The following ACSM3 variants were observed in gnomAD, a reference collection of about 807,000 sequenced individuals.
ACSM3 encodes acyl-CoA synthetase medium chain family member 3.
Under a neutral mutation model 74.1 loss-of-function variants are expected in ACSM3, and 61 were observed. The observed-to-expected ratio is 0.82, with a 90% CI of 0.67 to 1.02. The LOEUF is 1.02. Ranked by LOEUF, ACSM3 falls within the 50% of genes least tolerant of loss-of-function variation. ACSM3 has a pLI of 0.00. For missense variants in ACSM3, 660 were observed against 697.0 expected, an observed-to-expected ratio of 0.95 and a Z score of 0.60; for synonymous variants, 213 against 241.5, an observed-to-expected ratio of 0.88 and a Z score of 1.09.
intron 12 of ACSM3, 121 bp from the exon 13 acceptor site, chr16:20,796,248 CT>C: frequency 6.9e-7 from 1 of 1,455,334 alleles, no homozygotes; most frequent in Non-Finnish European, 9.1e-7. Context: ...TGGGATCAAA[CT>C]TTATTAAAAC....
chr16:20,792,568 T>C, intron 12 of ACSM3: 2 of 985,364 alleles, frequency 2.0e-6, no homozygotes, highest in Non-Finnish European at 2.4e-6. Context: ...TAGAAAGAAT[T>C]TGAATTCCTT....
intron 1 of ACSM3, among the ~76,000 whole-genome samples, chr16:20,710,642 G>A (rs2079741133): frequency 1.3e-5 from 2 of 152,072 alleles, no homozygotes; most frequent in Admixed American, 1.3e-4. Flanking sequence ...AACATGCCCA[G>A]CCGATAATTT....
chr16:20,755,779 T>TC (rs1168683945), intron 3 of ACSM3, among the ~76,000 whole-genome samples: 16,365 of 45,880 alleles, frequency 0.36, 2,486 homozygotes, highest in Non-Finnish European at 0.49. Flanking sequence ...ATGCTATCCC[T>TC]CCCCCCCCCC....
At chr16:20,685,402 T>G (rs762476160) in intron 1 of ACSM3, 2 of 1,613,754 alleles carry the variant, frequency 1.2e-6, no homozygotes, top group Non-Finnish European at 1.7e-6. Context: ...TCTCTTGCCC[T>G]CCTGGTCAAG....
rs182229775 is a variant in ACSM3 at position 20,718,995 on chromosome 16, C to A, written c.-189-30915C>A. On this transcript the variant is annotated intron_variant, in intron 1 of 3. Coordinates refer to the ACSM3 transcript ENST00000561584. ...TATTTGTTGCATCAATGGACAAACT[C>A]AAAAAATCATGCCAAACCCAGCCTC... Among the ~76,000 whole-genome samples the A allele has an allele frequency of 1.7e-4, 26 of 152,248 alleles. 1 individual carries two copies. In the East Asian group the frequency reaches 4.1e-3, roughly 24 times the overall value.
intron 1 of ACSM3, chr16:20,680,200 G>A (rs561255957): frequency 2.6e-5 from 4 of 152,184 alleles, no homozygotes; most frequent in Non-Finnish European, 5.9e-5. Context: ...CTATCTTAAA[G>A]CCAGAGATAC....
Position 20,737,767 on chromosome 16 carries a change from A to G in ACSM3, c.-189-12143A>G. Reference sequence around the variant, plus strand: ...ATGACTGTTATTTCGAGATTTGTACACAATCTGAAATGTCCCTTTGTTTGG... The same window carrying G: ...ATGACTGTTATTTCGAGATTTGTACGCAATCTGAAATGTCCCTTTGTTTGG... On this transcript the variant is annotated intron_variant, in intron 1 of 3. Coordinates refer to the ACSM3 transcript ENST00000561584. 3 of 1,613,910 alleles carry G rather than the reference A, an allele frequency of 1.9e-6. No homozygotes were observed. In the South Asian group the frequency reaches 3.3e-5, roughly 18 times the overall value.
At chr16:20,700,754 C>T (rs925647297) in intron 1 of ACSM3, among the ~76,000 whole-genome samples, 1 of 152,062 alleles carries the variant, frequency 6.6e-6, no homozygotes, top group Non-Finnish European at 1.5e-5. Flanking sequence ...TATTAAGTAA[C>T]TCATTTTCTT....
chr16:20,783,259 C>T (rs1323302348), intron 7 of ACSM3: 1 of 152,196 alleles, frequency 6.6e-6, no homozygotes, highest in Non-Finnish European at 1.5e-5. Context: ...ACTCCTAGCA[C>T]ACCCATCACT....
chr16:20,777,394 C>T lies in ACSM3; in HGVS notation c.452C>T (p.Thr151Ile), dbSNP rs769219892. Reference sequence around the variant, plus strand: ...TTAGGGACAGTTTTAATTCCAGGAACCACTCAGCTGACCCAGAAAGACATT... The same window carrying T: ...TTAGGGACAGTTTTAATTCCAGGAATCACTCAGCTGACCCAGAAAGACATT... Reference protein sequence around the residue: ...LRTGTVLIPGTTQLTQKDILY... With the variant: ...LRTGTVLIPGITQLTQKDILY... The change falls in exon 4 of 14, where the codon ACC becomes ATC. Residue 151 changes from threonine to isoleucine, a missense_variant. Thr to Ile is a moderately conservative substitution (Grantham distance 89). Transcript: ENST00000289416. The T allele has an allele frequency of 1.9e-5, 30 of 1,613,924 alleles. No individual in the cohort carries two copies. Among genetic ancestry groups the T allele is most frequent in the Non-Finnish European group, 2.5e-5 (29 of 1,179,900 alleles).
intron 1 of ACSM3, chr16:20,725,396 G>A: frequency 8.1e-6 from 2 of 246,350 alleles, no homozygotes; most frequent in Non-Finnish European, 1.8e-5. Flanking sequence ...ACCCTGTGCA[G>A]CCCTCCCACC....
intron 3 of ACSM3, among the ~76,000 whole-genome samples, chr16:20,756,130 G>T (rs1253238093): frequency 1.3e-5 from 2 of 151,876 alleles, no homozygotes; most frequent in Non-Finnish European, 1.5e-5. Flanking sequence ...ATGATTTATG[G>T]TCCTTTGGGT....
chr16:20,777,366 C>T lies in ACSM3; in HGVS notation c.431-7C>T, dbSNP rs778986438. ...TTCTAAACACTGTTTCTTTTCTGCCCCTTTAGGGACAGTTTTAATTCCAGG... is the reference window on the plus strand; with the variant it reads ...TTCTAAACACTGTTTCTTTTCTGCCTCTTTAGGGACAGTTTTAATTCCAGG... On this transcript the variant is annotated splice_region_variant and splice_polypyrimidine_tract_variant and intron_variant, in intron 3 of 13. Coordinates refer to ENST00000289416, the MANE Select transcript of ACSM3 (RefSeq NM_005622.4). 2 of 1,611,420 alleles carry T rather than the reference C, an allele frequency of 1.2e-6. No homozygotes were observed. The highest frequency in any genetic ancestry group is 1.7e-6 in the Non-Finnish European group (2 of 1,178,118).
At chr16:20,682,986 C>G (rs986812169) in intron 1 of ACSM3, among the ~76,000 whole-genome samples, 2 of 152,148 alleles carry the variant, frequency 1.3e-5, no homozygotes, top group African/African-American at 4.8e-5. Flanking sequence ...TGAGCTCAAG[C>G]CTTTGTGTTT....
At chr16:20,770,530 TAAA>T (rs60395380) in intron 2 of ACSM3, among the ~76,000 whole-genome samples, 19 of 143,224 alleles carry the variant, frequency 1.3e-4, no homozygotes, top group Admixed American at 1.3e-3. Context: ...TAGGTTGACT[TAAA>T]AAAAAAAAAG....
chr16:20,735,013 C>T (rs1369366138), intron 1 of ACSM3: 1 of 152,140 alleles, frequency 6.6e-6, no homozygotes, highest in African/African-American at 2.4e-5. Context: ...AGAGTTGCAC[C>T]CTTTATTTTC....
intron 1 of ACSM3, among the ~76,000 whole-genome samples, chr16:20,701,296 T>C (rs2079712108): frequency 6.6e-6 from 1 of 152,120 alleles, no homozygotes; most frequent in South Asian, 2.1e-4. Context: ...CAATAGAAAA[T>C]TCCAGTGTGG....
At chr16:20,681,478 C>A (rs1168478199) in intron 1 of ACSM3, 2 of 152,122 alleles carry the variant, frequency 1.3e-5, no homozygotes. Flanking sequence ...GATTCAAAAC[C>A]CTCACTGGTG....
rs2080572451 is a variant in ACSM3 at position 20,790,468 on chromosome 16, A to T, written c.1225-119A>T. The T allele has an allele frequency of 1.0e-5, 10 of 965,406 alleles. 1 individual carries two copies. The highest frequency in any genetic ancestry group is 3.3e-5 in the South Asian group (2 of 61,046). The allele number at this position is 965,406 out of a possible 1,614,324, so 59.8% of individuals were successfully genotyped here. ...TGAGACCTTGTCTCACACACACAAA[A>T]TTTTTTTTAAGTCTTCATTTTTAAA... On this transcript the variant is annotated intron_variant, in intron 9 of 13. Transcript: ENST00000289416. This position sits in a 1 kb window ranked among gnomAD's most constrained non-coding sequence, Gnocchi z 4.0.
Sources: gnomAD v4.1 joint callset for allele counts (sites outside exome capture counted in the v4.1 genomes callset) on GRCh38, gnomAD v4.1.1 for gene constraint, Gnocchi (gnomAD v3.1) non-coding constraint, MANE v1.5 for transcripts, NCBI Gene and HGNC (gene_info 2026-07-23, HGNC 2026-07-21) for gene names.